SDK1: variants seen among roughly 807,000 people sequenced by gnomAD.
SDK1 encodes sidekick cell adhesion molecule 1, also known as protein sidekick-1.
In SDK1, 157 loss-of-function variants were observed where a neutral mutation model predicts 245.5. The observed-to-expected ratio is 0.64, with a 90% CI of 0.56 to 0.73. SDK1 has a LOEUF of 0.73. SDK1 is among the 30% of genes least tolerant of loss of function. The pLI is 0.00. For missense variants in SDK1, 3,583 were observed against 3,002.3 expected, an observed-to-expected ratio of 1.19 and a Z score of -4.52; for synonymous variants, 1,647 against 1,278.5, an observed-to-expected ratio of 1.29 and a Z score of -6.15.
intron 1 of SDK1, among the ~76,000 whole-genome samples, chr7:3,524,419 TGAG>T (rs2128615744): frequency 6.6e-6 from 1 of 152,016 alleles, no homozygotes; most frequent in Admixed American, 6.5e-5. Flanking sequence ...CAAAAGATAA[TGAG>T]GTAATTGGAT....
chr7:3,415,946 A>G (rs1041406745), intron 1 of SDK1, among the ~76,000 whole-genome samples: 2 of 152,066 alleles, frequency 1.3e-5, no homozygotes, highest in Non-Finnish European at 2.9e-5. Flanking sequence ...TCTGCTCCCT[A>G]CCTTCATATT....
intron 1 of SDK1, among the ~76,000 whole-genome samples, chr7:3,572,613 A>G (rs1322691408): frequency 6.6e-6 from 1 of 151,970 alleles, no homozygotes; most frequent in Non-Finnish European, 1.5e-5. Context: ...TATTATTATT[A>G]TTTTATTCTG....
intron 1 of SDK1, among the ~76,000 whole-genome samples, chr7:3,484,733 C>T (rs755610524): frequency 5.1e-4 from 78 of 152,248 alleles, no homozygotes; most frequent in Admixed American, 1.0e-3. Context: ...TTTTTTTTAG[C>T]TCCCACATAG....
intron 17 of SDK1, among the ~76,000 whole-genome samples, chr7:4,046,117 T>C (rs1296342097): frequency 1.3e-5 from 2 of 151,882 alleles, no homozygotes; most frequent in African/African-American, 4.8e-5. Flanking sequence ...AATTTTGTAA[T>C]TCTTTGTAGC....
At chr7:4,081,157 A>C (rs1584058715) in intron 22 of SDK1, among the ~76,000 whole-genome samples, 1 of 152,328 alleles carries the variant, frequency 6.6e-6, no homozygotes, top group East Asian at 1.9e-4. Flanking sequence ...TAGGCAGGCC[A>C]CAGCGACAGA....
intron 2 of SDK1, among the ~76,000 whole-genome samples, chr7:3,630,551 C>A (rs1004327624): frequency 3.3e-5 from 5 of 151,882 alleles, no homozygotes; most frequent in Admixed American, 2.6e-4. Context: ...CAGGAGAATC[C>A]CTTGAACCCA....
chr7:3,515,425 T>G (rs1432780456), intron 1 of SDK1, among the ~76,000 whole-genome samples: 1 of 152,190 alleles, frequency 6.6e-6, no homozygotes, highest in East Asian at 1.9e-4. Flanking sequence ...AGTAATTACT[T>G]TAATGACAGT....
At position 3,395,536 on chromosome 7, in the gene SDK1, T is replaced by G. The variant is rs116884430; in HGVS notation, c.298+93652T>G. Among the ~76,000 whole-genome samples, 1,493 of 152,004 alleles carry G rather than the reference T, an allele frequency of 9.8e-3. 19 individuals carry two copies. Among genetic ancestry groups the G allele is most frequent in the Non-Finnish European group, 0.012 (835 of 67,856 alleles). On this transcript the variant is annotated intron_variant, in intron 1 of 44. Transcript: ENST00000404826. Reference sequence around the variant, plus strand: ...GAGTAATATTCTTAAATCTACTTCTTATACTTCTCGGAAGAATTTGTGGAG... The same window carrying G: ...GAGTAATATTCTTAAATCTACTTCTGATACTTCTCGGAAGAATTTGTGGAG...
intron 4 of SDK1, among the ~76,000 whole-genome samples, chr7:3,689,619 A>G (rs571748642): frequency 1.1e-4 from 17 of 152,312 alleles, no homozygotes; most frequent in African/African-American, 3.4e-4. Flanking sequence ...CAGACTTTTT[A>G]CTACTGGTGA....
At chr7:4,093,670 C>T (rs1043616040) in intron 22 of SDK1, among the ~76,000 whole-genome samples, 4 of 152,146 alleles carry the variant, frequency 2.6e-5, no homozygotes, top group South Asian at 4.1e-4. Context: ...CCGAGGCTGC[C>T]GGCGGCGTCG....
chr7:3,344,758 A>G (rs79988434), intron 1 of SDK1, among the ~76,000 whole-genome samples: 3,404 of 152,302 alleles, frequency 0.022, 77 homozygotes, highest in Non-Finnish European at 0.034. Flanking sequence ...ACCTTTTCAT[A>G]TATACTGCAG....
At chr7:3,875,358 C>T (rs1171164698) in intron 5 of SDK1, among the ~76,000 whole-genome samples, 1 of 152,220 alleles carries the variant, frequency 6.6e-6, no homozygotes, top group Non-Finnish European at 1.5e-5. Context: ...TTGCTGTAGC[C>T]AGTTTCTGCC....
At chr7:3,408,090 T>G (rs1779100112) in intron 1 of SDK1, among the ~76,000 whole-genome samples, 1 of 152,128 alleles carries the variant, frequency 6.6e-6, no homozygotes, top group African/African-American at 2.4e-5. Flanking sequence ...CAGGCTGGAA[T>G]GCAGTGGTGC....
At chr7:4,215,782 G>A (rs960386022) in intron 38 of SDK1, among the ~76,000 whole-genome samples, 8 of 152,142 alleles carry the variant, frequency 5.3e-5, no homozygotes, top group Admixed American at 1.3e-4. Flanking sequence ...TACTTGATGC[G>A]TTCTTAGACA....
intron 13 of SDK1, among the ~76,000 whole-genome samples, chr7:3,983,719 C>T (rs188359467): frequency 1.3e-5 from 2 of 152,282 alleles, no homozygotes; most frequent in South Asian, 2.1e-4. Context: ...TGATATTGAA[C>T]ACAAGAGATA....
intron 1 of SDK1, among the ~76,000 whole-genome samples, chr7:3,321,618 G>A (rs1779804297): frequency 6.6e-6 from 1 of 151,956 alleles, no homozygotes; most frequent in Admixed American, 6.6e-5. Flanking sequence ...CATTCTTCAT[G>A]TTTTCGCAAG....
At chr7:3,539,866 G>A (rs1020374947) in intron 1 of SDK1, among the ~76,000 whole-genome samples, 1 of 152,192 alleles carries the variant, frequency 6.6e-6, no homozygotes, top group Non-Finnish European at 1.5e-5. Flanking sequence ...TTTGGCCTCA[G>A]TATAGGGGCA....
At chr7:3,684,505 C>A (rs1230807828) in intron 4 of SDK1, among the ~76,000 whole-genome samples, 1 of 152,212 alleles carries the variant, frequency 6.6e-6, no homozygotes, top group African/African-American at 2.4e-5. Flanking sequence ...TGCTCCACAT[C>A]CACAATGGGT....
Position 3,308,501 on chromosome 7 carries a change from C to G in SDK1, c.298+6617C>G, listed in dbSNP as rs368145520. 6.2e-4 allele frequency among the ~76,000 whole-genome samples: 94 copies of G among 152,212 alleles called. 2 individuals are homozygous for G. In the South Asian group the frequency reaches 0.019, roughly 30 times the overall value. ...CACTTTATTGATATACAGACAATGT[C>G]TAGTGAAGATAACAGCTATCAATTA... On this transcript the variant is annotated intron_variant, in intron 1 of 44. Coordinates refer to ENST00000404826, the MANE Select transcript of SDK1 (RefSeq NM_152744.4).
Sources: gnomAD v4.1 joint callset for allele counts (sites outside exome capture counted in the v4.1 genomes callset) on GRCh38, gnomAD v4.1.1 for gene constraint, MANE v1.5 for transcripts, NCBI Gene and HGNC (gene_info 2026-07-23, HGNC 2026-07-21) for gene names.